Variants in SLC35F1 observed in about 807,000 individuals in gnomAD.
SLC35F1 encodes the protein chromosome 6 open reading frame 169.
SLC35F1 carries 14 observed loss-of-function variants against 48.7 expected under a neutral mutation model. The ratio of observed to expected loss-of-function variants is 0.29; its 90% CI spans 0.19 to 0.45. The LOEUF is 0.45. Ranked by LOEUF, SLC35F1 falls within the 20% of genes least tolerant of loss-of-function variation. The pLI, the probability that SLC35F1 is intolerant of heterozygous loss-of-function variation, is 1.00. For missense variants in SLC35F1, 404 were observed against 500.0 expected, an observed-to-expected ratio of 0.81 and a Z score of 1.83; for synonymous variants, 190 against 202.2, an observed-to-expected ratio of 0.94 and a Z score of 0.51.
intron 1 of SLC35F1, among the ~76,000 whole-genome samples, chr6:118,146,642 A>G (rs1277385036): frequency 6.6e-6 from 1 of 152,176 alleles, no homozygotes; most frequent in Non-Finnish European, 1.5e-5. Context: ...GGTTATTTTT[A>G]TATTCTCTGT....
intron 7 of SLC35F1, among the ~76,000 whole-genome samples, chr6:118,294,418 A>G (rs1212260775): frequency 6.6e-6 from 1 of 152,232 alleles, no homozygotes; most frequent in African/African-American, 2.4e-5. Context: ...TCGCGTGCTG[A>G]ACATTCTTCA....
chr6:117,968,246 T>A (rs765019668), intron 1 of SLC35F1, among the ~76,000 whole-genome samples: 1 of 152,184 alleles, frequency 6.6e-6, no homozygotes, highest in African/African-American at 2.4e-5. Context: ...TAATAAACCT[T>A]GCCAGATTAA....
In SLC35F1 at chr6:118,293,834, G is replaced by A. The variant is rs139169984; in HGVS notation, c.1002+8496G>A. On this transcript the variant is annotated intron_variant, in intron 7 of 7. Transcript: ENST00000360388. ...AAGAAAACACTAAGTCATGTGGAGA[G>A]AGAATAAATTGGAGTGGGAAAACTA... Among the ~76,000 whole-genome samples, 10 of 152,340 alleles carry A rather than the reference G, an allele frequency of 6.6e-5. No individual in the cohort carries two copies. In the East Asian group the frequency reaches 1.9e-3, roughly 29 times the overall value.
chr6:118,014,244 C>A (rs1777290393), intron 1 of SLC35F1, among the ~76,000 whole-genome samples: 1 of 152,192 alleles, frequency 6.6e-6, no homozygotes, highest in Non-Finnish European at 1.5e-5. Context: ...ATATAACCTA[C>A]TACTATAAAG....
At chr6:117,931,922 T>A (rs1776106428) in intron 1 of SLC35F1, among the ~76,000 whole-genome samples, 1 of 152,222 alleles carries the variant, frequency 6.6e-6, no homozygotes, top group Non-Finnish European at 1.5e-5. Flanking sequence ...ATTGCTGTGG[T>A]TTGAATGTTT....
At chr6:118,078,426 G>C (rs1582653780) in intron 1 of SLC35F1, among the ~76,000 whole-genome samples, 1 of 152,084 alleles carries the variant, frequency 6.6e-6, no homozygotes, top group Admixed American at 6.6e-5. Context: ...AAATGATGAA[G>C]GGGAAAAAAT....
rs1204650342 is a variant in SLC35F1 at position 118,069,531 on chromosome 6, TA to T, written c.174-84912del. Among the ~76,000 whole-genome samples, 5 of 152,288 alleles carry T rather than the reference TA, an allele frequency of 3.3e-5. No homozygotes were observed. In the East Asian group the frequency reaches 9.6e-4, roughly 29 times the overall value. On this transcript the variant is annotated intron_variant, in intron 1 of 7. Transcript: ENST00000360388. ...GTTCTACTAAAGTTCCCTAGGCTGG[TA>T]AGAGTTATTTTCTCAAAGCTCTTGC...
At chr6:118,271,480 G>A (rs534170290) in intron 4 of SLC35F1, among the ~76,000 whole-genome samples, 3 of 152,198 alleles carry the variant, frequency 2.0e-5, no homozygotes, top group African/African-American at 4.8e-5. Context: ...AGAGTCCCAG[G>A]AAAACAAGAT....
intron 7 of SLC35F1, among the ~76,000 whole-genome samples, chr6:118,287,623 G>T (rs908772365): frequency 1.3e-5 from 2 of 152,156 alleles, no homozygotes; most frequent in African/African-American, 4.8e-5. Flanking sequence ...GAGTCTGGTT[G>T]GTAACATGTT....
intron 1 of SLC35F1, among the ~76,000 whole-genome samples, chr6:117,998,493 C>A (rs1227382118): frequency 6.6e-6 from 1 of 152,200 alleles, no homozygotes. Flanking sequence ...CACCACACCA[C>A]ACCTATTCCA....
intron 1 of SLC35F1, among the ~76,000 whole-genome samples, chr6:117,949,899 T>C (rs1285297523): frequency 6.6e-6 from 1 of 152,138 alleles, no homozygotes; most frequent in South Asian, 2.1e-4. Context: ...TAATGTATCC[T>C]CTCAGGTGTT....
At chr6:118,214,804 C>T (rs1162900297) in intron 2 of SLC35F1, among the ~76,000 whole-genome samples, 2 of 152,002 alleles carry the variant, frequency 1.3e-5, no homozygotes, top group Non-Finnish European at 2.9e-5. Context: ...AATAGTAAGC[C>T]GAACACTGTC....
intron 2 of SLC35F1, among the ~76,000 whole-genome samples, chr6:118,234,023 A>G (rs981042993): frequency 6.6e-6 from 1 of 152,194 alleles, no homozygotes; most frequent in African/African-American, 2.4e-5. Context: ...TAGGGTTGGA[A>G]AGACCACCTC....
At chr6:118,284,516 T>C (rs895808750) in intron 6 of SLC35F1, among the ~76,000 whole-genome samples, 3 of 152,136 alleles carry the variant, frequency 2.0e-5, no homozygotes, top group Non-Finnish European at 4.4e-5. Context: ...TTTAAGGTCA[T>C]GAAAGCCCAC....
At chr6:118,227,347 G>T (rs1162571321) in intron 2 of SLC35F1, among the ~76,000 whole-genome samples, 1 of 152,200 alleles carries the variant, frequency 6.6e-6, no homozygotes, top group Non-Finnish European at 1.5e-5. Context: ...TCAAAAACAG[G>T]CATCAACTAG....
intron 2 of SLC35F1, among the ~76,000 whole-genome samples, chr6:118,173,149 T>G (rs983579279): frequency 6.6e-6 from 1 of 152,104 alleles, no homozygotes; most frequent in Non-Finnish European, 1.5e-5. Context: ...AATTATGTAG[T>G]GACTTCTGTT....
chr6:118,119,503 C>CCCT (rs1491187027), intron 1 of SLC35F1, among the ~76,000 whole-genome samples: 1 of 56,944 alleles, frequency 1.8e-5, no homozygotes, highest in Non-Finnish European at 3.0e-5. Context: ...CGCCCCCCCT[C>CCCT]CACCCCGCTT....
chr6:118,017,524 G>C (rs534047531), intron 1 of SLC35F1, among the ~76,000 whole-genome samples: 14 of 152,192 alleles, frequency 9.2e-5, no homozygotes, highest in Non-Finnish European at 1.9e-4. Context: ...TCAGTGGGTA[G>C]TAAAAGCTCA....
chr6:118,154,884 A>G (rs1399008598), intron 2 of SLC35F1, among the ~76,000 whole-genome samples: 1 of 152,178 alleles, frequency 6.6e-6, no homozygotes, highest in African/African-American at 2.4e-5. Context: ...CCCCGTTAAC[A>G]TTACTTCTAC....
Sources: gnomAD v4.1 joint callset for allele counts (sites outside exome capture counted in the v4.1 genomes callset) on GRCh38, gnomAD v4.1.1 for gene constraint, MANE v1.5 for transcripts, NCBI Gene and HGNC (gene_info 2026-07-23, HGNC 2026-07-21) for gene names.